PPIP5K2: variants seen among roughly 807,000 people sequenced by gnomAD.
PPIP5K2 encodes the protein diphosphoinositol pentakisphosphate kinase 2.
Under a neutral mutation model 154.6 loss-of-function variants are expected in PPIP5K2, and 105 were observed. That is an observed-to-expected ratio of 0.68 (90% CI 0.58 to 0.80). The LOEUF (loss-of-function observed/expected upper bound fraction) is 0.80, where lower values mean the gene tolerates loss of function less well. Among genes scored for constraint, PPIP5K2 ranks in the 30% least tolerant of loss-of-function variants. The pLI, the probability that PPIP5K2 is intolerant of heterozygous loss-of-function variation, is 0.00. For synonymous variants in PPIP5K2, 480 were observed against 490.3 expected, an observed-to-expected ratio of 0.98 and a Z score of 0.28; for missense variants, 992 against 1,504.6, an observed-to-expected ratio of 0.66 and a Z score of 5.64.
chr5:103,179,038 A>G (rs1554221808), intron 23 of PPIP5K2, among the ~76,000 whole-genome samples: 1 of 151,902 alleles, frequency 6.6e-6, no homozygotes, highest in Non-Finnish European at 1.5e-5. Context: ...CATTCTAATA[A>G]TTTACCCTTA....
chr5:103,180,172 A>G lies in PPIP5K2; in HGVS notation c.2906A>G (p.Lys969Arg), dbSNP rs924222780. 47 of 1,592,182 alleles carry G rather than the reference A, an allele frequency of 3.0e-5. No homozygotes were observed. The highest frequency in any genetic ancestry group is 3.9e-5 in the Non-Finnish European group (46 of 1,172,094). The part of the protein sequence containing the change: ...HRKSPLPRSR[K>R]TATNDEESPL... ...AAGTCTCCACTTCCAAGATCTAGGA[A>G]GACGGCTACAAATGATGTAAGTATA... The change falls in exon 24 of 31, where the codon AAG becomes AGG. Residue 969 changes from lysine (K) to arginine (R), a missense_variant. Around this residue, in one of 9 missense-constraint regions of PPIP5K2, gnomAD observed 204 missense variants for 224.0 expected, o/e 0.91. Transcript: ENST00000358359.
Position 103,148,689 on chromosome 5 carries a change from C to T in PPIP5K2, c.745-463C>T, listed in dbSNP as rs143455885. ...TTACAGTATAAACTACATCAGATAA[C>T]TTGCCGATACCTGAATACATCATGC... On this transcript the variant is annotated intron_variant, in intron 7 of 30. Coordinates refer to ENST00000358359, the MANE Select transcript of PPIP5K2 (RefSeq NM_001276277.3). Among the ~76,000 whole-genome samples, 485 of 152,242 alleles carry T rather than the reference C, an allele frequency of 3.2e-3. 5 individuals carry two copies. The highest frequency in any genetic ancestry group is 0.011 in the African/African-American group (456 of 41,554).
chr5:103,173,735 T>C (rs1352447934), intron 20 of PPIP5K2, 123 bp from the exon 21 acceptor site: 3 of 691,466 alleles, frequency 4.3e-6, no homozygotes, highest in Non-Finnish European at 7.4e-6. Flanking sequence ...GTTGGAAGAA[T>C]AATAGATTTT....
At chr5:103,132,359 A>G (rs1790769466) in intron 2 of PPIP5K2, among the ~76,000 whole-genome samples, 3 of 151,968 alleles carry the variant, frequency 2.0e-5, no homozygotes, top group South Asian at 2.1e-4. Flanking sequence ...GGCTAACACG[A>G]TGAAACCCCA....
chr5:103,137,253 C>T (rs1791675650), intron 4 of PPIP5K2, among the ~76,000 whole-genome samples: 1 of 151,654 alleles, frequency 6.6e-6, no homozygotes, highest in Non-Finnish European at 1.5e-5. Context: ...AGCTCCCCCT[C>T]CCGGGTTCCC....
rs1798344990 is a variant in PPIP5K2, at chr5:103,173,956, A to G, written c.2513A>G (p.Tyr838Cys). The change falls in exon 21 of 31, where the codon TAT becomes TGT. Residue 838 changes from tyrosine to cysteine, a missense_variant. Tyr to Cys is a radical substitution (Grantham distance 194). Transcript: ENST00000358359. ...HVHSLLSILR[Y>C]GALCNESKDE... is the part of the protein sequence containing the mutation. Reference sequence around the variant, plus strand: ...CATTCTTTGCTGTCTATTCTTCGCTATGGTGCCTTATGCAATGTAAGTAGA... The same window carrying G: ...CATTCTTTGCTGTCTATTCTTCGCTGTGGTGCCTTATGCAATGTAAGTAGA... The G allele has an allele frequency of 1.1e-5, 17 of 1,584,710 alleles. No homozygotes were observed. Among genetic ancestry groups the G allele is most frequent in the Non-Finnish European group, 1.5e-5 (17 of 1,155,142 alleles).
At chr5:103,177,834 A>C in intron 22 of PPIP5K2, 30 bp from the exon 23 acceptor site, 1 of 1,601,052 alleles carries the variant, frequency 6.2e-7, no homozygotes. Flanking sequence ...AAAGTTTCTC[A>C]TTTTGAAAAT....
At chr5:103,179,333 T>C (rs2149735098) in intron 23 of PPIP5K2, among the ~76,000 whole-genome samples, 1 of 152,204 alleles carries the variant, frequency 6.6e-6, no homozygotes, top group African/African-American at 2.4e-5. Flanking sequence ...GCGTTCTTAT[T>C]GCTTTAAAAT....
Position 103,203,877 on chromosome 5 carries a change from T to C in PPIP5K2, c.*2243T>C, listed in dbSNP as rs1036227893. On this transcript the variant is annotated 3_prime_UTR_variant, in exon 31 of 31. Transcript: ENST00000358359. ...ATACTAGCAAATTTGGGGGGCGTGGTACAGCAATTTTGGGTGAAGAAAAGT... is the reference window on the plus strand; with the variant it reads ...ATACTAGCAAATTTGGGGGGCGTGGCACAGCAATTTTGGGTGAAGAAAAGT... 3.3e-5 allele frequency: 5 copies of C among 152,154 alleles called. No individual in the cohort carries two copies. Among genetic ancestry groups the C allele is most frequent in the Admixed American group, 6.6e-5 (1 of 15,260 alleles). 9.4% of individuals were successfully genotyped at this position (152,154 alleles called of 1,614,324 possible). A position where few individuals can be genotyped will look rare whatever the true frequency, so the allele number is the denominator to read the frequency against.
chr5:103,174,008 A>G (rs782721065), intron 21 of PPIP5K2, 36 bp downstream of exon 21: 2 of 1,422,632 alleles, frequency 1.4e-6, no homozygotes, highest in East Asian at 4.6e-5. Flanking sequence ...TAACAAATAT[A>G]TTTAATTTTG....
intron 1 of PPIP5K2, among the ~76,000 whole-genome samples, chr5:103,124,005 G>T (rs921561548): frequency 6.6e-6 from 1 of 152,136 alleles, no homozygotes; most frequent in Admixed American, 6.5e-5. Context: ...TCTTGGCCGG[G>T]CGCGGTGGCT....
chr5:103,186,297 G>A, intron 26 of PPIP5K2, 23 bp from the exon 27 acceptor site: 1 of 1,613,172 alleles, frequency 6.2e-7, no homozygotes, highest in Non-Finnish European at 8.5e-7. Context: ...CGTTGTGTAT[G>A]TATTTTCTCT....
At chr5:103,173,098 T>A in intron 19 of PPIP5K2, 57 bp from the exon 20 acceptor site, 1 of 1,418,516 alleles carries the variant, frequency 7.0e-7, no homozygotes, top group East Asian at 2.4e-5. Flanking sequence ...GGAGTGTATT[T>A]TTTTAGAGTA....
intron 1 of PPIP5K2, 28 bp downstream of exon 1, chr5:103,120,516 G>T (rs782367389): frequency 2.2e-6 from 1 of 456,538 alleles, no homozygotes; most frequent in Non-Finnish European, 4.4e-6. Context: ...GAGGAGAACC[G>T]GAGATGCGGA....
intron 4 of PPIP5K2, among the ~76,000 whole-genome samples, chr5:103,138,075 C>A (rs1554205051): frequency 3.3e-5 from 5 of 152,036 alleles, no homozygotes. Flanking sequence ...AATGTTCTAT[C>A]ATTGTGATAA....
chr5:103,146,645 T>A lies in PPIP5K2; in HGVS notation c.606T>A (p.Thr202=). The part of the protein sequence containing the change: ...EDHNVYIYYP[T]SAGGGSQRLF... ...ACAATGTTTACATTTATTACCCAAC[T>A]TCTGCTGGTGGTGGAAGTCAAAGAC... The change falls in exon 6 of 31, where the codon ACT becomes ACA. Residue 202 remains threonine, a synonymous_variant. Transcript: ENST00000358359. 1 of 1,611,894 alleles carries A rather than the reference T, an allele frequency of 6.2e-7. No homozygotes were observed. The highest frequency in any genetic ancestry group is 1.7e-5 in the Admixed American group (1 of 59,910).
chr5:103,197,264 A>T (rs1233092918), intron 30 of PPIP5K2, among the ~76,000 whole-genome samples: 3 of 152,022 alleles, frequency 2.0e-5, no homozygotes, highest in Admixed American at 2.0e-4. Context: ...TCTTCCTTGA[A>T]TGTTTGATAG....
chr5:103,191,038 C>A (rs1801154349), intron 29 of PPIP5K2, 56 bp downstream of exon 29: 5 of 1,498,530 alleles, frequency 3.3e-6, no homozygotes, highest in Non-Finnish European at 4.6e-6. Flanking sequence ...TACATACTAT[C>A]TGAGTATAAC....
chr5:103,189,429 A>G (rs1484460409), intron 28 of PPIP5K2, among the ~76,000 whole-genome samples: 3 of 152,094 alleles, frequency 2.0e-5, no homozygotes, highest in Non-Finnish European at 4.4e-5. Flanking sequence ...AAAGATTTAT[A>G]AACTTTGTGA....
Sources: gnomAD v4.1 joint callset for allele counts (sites outside exome capture counted in the v4.1 genomes callset) on GRCh38, gnomAD v4.1.1 for gene constraint, gnomAD v4.1.1 regional missense constraint, MANE v1.5 for transcripts, NCBI Gene and HGNC (gene_info 2026-07-23, HGNC 2026-07-21) for gene names.